The following PPM1E variants were observed in gnomAD, a reference collection of about 807,000 sequenced individuals.
The protein encoded by PPM1E is protein phosphatase, Mg2+/Mn2+ dependent 1E.
In PPM1E, 20 loss-of-function variants were observed where a neutral mutation model predicts 65.9. The observed-to-expected ratio is 0.30, with a 90% CI of 0.21 to 0.44. PPM1E has a LOEUF of 0.44. Ranked by LOEUF, PPM1E falls within the 20% of genes least tolerant of loss-of-function variation. The probability of loss-of-function intolerance (pLI) is 1.00; values close to 1 mark genes in which losing one functional copy is unlikely to be tolerated. For synonymous variants in PPM1E, 352 were observed against 374.9 expected (o/e 0.94, Z 0.70); for missense variants, 713 against 953.1 (o/e 0.75, Z 3.32).
chr17:58,813,017 G>A (rs1411264838), intron 1 of PPM1E, among the ~76,000 whole-genome samples: 1 of 152,110 alleles, frequency 6.6e-6, no homozygotes, highest in Non-Finnish European at 1.5e-5. Context: ...TTTGTTTTAT[G>A]GCAGTAGTCA....
chr17:58,855,551 A>G (rs1357294416), intron 1 of PPM1E, among the ~76,000 whole-genome samples: 3 of 152,204 alleles, frequency 2.0e-5, no homozygotes, highest in Non-Finnish European at 4.4e-5. Flanking sequence ...ATTACAAGAC[A>G]TGCTAAAAGG....
intron 1 of PPM1E, among the ~76,000 whole-genome samples, chr17:58,796,440 C>T (rs1312771583): frequency 6.6e-6 from 1 of 152,002 alleles, no homozygotes; most frequent in Non-Finnish European, 1.5e-5. Flanking sequence ...CTGGCTAATT[C>T]TTGTATTTTT....
chr17:58,873,632 C>T (rs1012305157), intron 1 of PPM1E, among the ~76,000 whole-genome samples: 1 of 150,340 alleles, frequency 6.7e-6, no homozygotes, highest in Non-Finnish European at 1.5e-5. Context: ...CTCACTTTGT[C>T]ACCCAGGCTG....
chr17:58,856,259 G>A (rs1226634800), intron 1 of PPM1E, among the ~76,000 whole-genome samples: 1 of 151,844 alleles, frequency 6.6e-6, no homozygotes, highest in Non-Finnish European at 1.5e-5. Context: ...TATTTTTTGA[G>A]ATGGAGTTTT....
At chr17:58,831,003 T>TG (rs2050599924) in intron 1 of PPM1E, among the ~76,000 whole-genome samples, 1 of 101,414 alleles carries the variant, frequency 9.9e-6, no homozygotes, top group Admixed American at 9.1e-5. Flanking sequence ...ACTTACTTTA[T>TG]CTTTTTTTTT....
intron 1 of PPM1E, among the ~76,000 whole-genome samples, chr17:58,887,204 G>T (rs534756319): frequency 2.4e-5 from 3 of 127,212 alleles, no homozygotes; most frequent in Non-Finnish European, 3.1e-5. Flanking sequence ...TCACTGTGTC[G>T]CCCAGGCTGG....
intron 1 of PPM1E, among the ~76,000 whole-genome samples, chr17:58,789,180 A>G (rs1163333593): frequency 6.6e-6 from 1 of 152,180 alleles, no homozygotes; most frequent in East Asian, 1.9e-4. Flanking sequence ...CCAGCTCTAC[A>G]CTGTTACCAG....
Position 58,856,232 on chromosome 17 carries a change from T to A in PPM1E, c.465-99417T>A, listed in dbSNP as rs1288345071. ...GTATTCTAATGTTTAGTAATATGTG[T>A]TCATTTTATTTTATTTTATTTTTTG... is the stretch of plus-strand genomic sequence containing the variant. On this transcript the variant is annotated intron_variant, in intron 1 of 6. Transcript: ENST00000308249. 2.0e-5 allele frequency among the ~76,000 whole-genome samples: 3 copies of A among 152,236 alleles called. No individual in the cohort carries two copies. In the East Asian group the frequency reaches 5.8e-4, roughly 29 times the overall value.
chr17:58,774,613 A>G (rs1177801807), intron 1 of PPM1E, among the ~76,000 whole-genome samples: 2 of 152,118 alleles, frequency 1.3e-5, no homozygotes, highest in Non-Finnish European at 2.9e-5. Flanking sequence ...AACTAATAGT[A>G]CTGTCAGAAA....
At chr17:58,898,326 A>G (rs555571027) in intron 1 of PPM1E, among the ~76,000 whole-genome samples, 1 of 152,122 alleles carries the variant, frequency 6.6e-6, no homozygotes, top group Admixed American at 6.6e-5. Context: ...AAATCAAACA[A>G]CCCCGTCAAA....
intron 1 of PPM1E, among the ~76,000 whole-genome samples, chr17:58,921,339 A>G (rs770008472): frequency 6.6e-6 from 1 of 152,178 alleles, no homozygotes; most frequent in Non-Finnish European, 1.5e-5. Flanking sequence ...AGAGAGGGGT[A>G]ATTGATAATG....
At chr17:58,916,657 T>C (rs1344148271) in intron 1 of PPM1E, among the ~76,000 whole-genome samples, 1 of 152,040 alleles carries the variant, frequency 6.6e-6, no homozygotes, top group Non-Finnish European at 1.5e-5. Context: ...AGAAGCTAAC[T>C]AATCAGATGT....
At position 58,982,470 on chromosome 17, in the gene PPM1E, G is replaced by C. The variant is rs1233772329; in HGVS notation, c.*1439G>C. ...CTCTGGAGTGCTCACTAACAAGGGT[G>C]AGTGCTCTCGCTAAGAAGTGTCCCC... is the stretch of plus-strand genomic sequence containing the variant. On this transcript the variant is annotated 3_prime_UTR_variant, in exon 7 of 7. Transcript: ENST00000308249. 6.3e-6 allele frequency: 1 copy of C among 159,270 alleles called. No homozygotes were observed. 9.9% of individuals were successfully genotyped at this position (159,270 alleles called of 1,614,324 possible). A position where few individuals can be genotyped will look rare whatever the true frequency, so the allele number is the denominator to read the frequency against.
rs552780372 is a variant in PPM1E, at chr17:58,981,249, C to A, written c.*218C>A. ...CACTTGCAAAATTACACAGCTGGTCCCTGTGATGTGTCTCGACACCAATAC... is the reference window on the plus strand; with the variant it reads ...CACTTGCAAAATTACACAGCTGGTCACTGTGATGTGTCTCGACACCAATAC... On this transcript the variant is annotated 3_prime_UTR_variant, in exon 7 of 7. Transcript: ENST00000308249. 6.9e-5 allele frequency: 35 copies of A among 508,048 alleles called. No individual in the cohort carries two copies. Among genetic ancestry groups the A allele is most frequent in the Admixed American group, 1.9e-4 (5 of 26,846 alleles). The allele number at this position is 508,048 out of a possible 1,614,324, so 31.5% of individuals were successfully genotyped here.
rs186900028 is a variant in PPM1E at position 58,843,007 on chromosome 17, G to A, written c.464+86546G>A. 9.2e-5 allele frequency among the ~76,000 whole-genome samples: 14 copies of A among 151,828 alleles called. No homozygotes were observed. The East Asian group carries it at 1.9e-3, about 21-fold the overall frequency. ...AATTTTAAAAAGTGTAGAACAGGCC[G>A]GGCGCTGGGTGGCTCATGCCTGTAA... On this transcript the variant is annotated intron_variant, in intron 1 of 6. Coordinates refer to ENST00000308249, the MANE Select transcript of PPM1E (RefSeq NM_014906.5).
intron 1 of PPM1E, among the ~76,000 whole-genome samples, chr17:58,918,173 A>G (rs2051706776): frequency 6.6e-6 from 1 of 152,194 alleles, no homozygotes; most frequent in African/African-American, 2.4e-5. Context: ...AGTAAGTACT[A>G]TGGTAGACAC....
chr17:58,937,932 A>G (rs2052008403), intron 1 of PPM1E, among the ~76,000 whole-genome samples: 1 of 149,364 alleles, frequency 6.7e-6, no homozygotes, highest in Admixed American at 6.6e-5. Context: ...CAAATAATAC[A>G]AAATGTGAAG....
chr17:58,959,043 C>T (rs1475455223), intron 2 of PPM1E, among the ~76,000 whole-genome samples: 1 of 152,082 alleles, frequency 6.6e-6, no homozygotes, highest in African/African-American at 2.4e-5. Flanking sequence ...GGTGTGGTGG[C>T]TACGTCTGTA....
At chr17:58,948,057 G>C (rs1382362133) in intron 1 of PPM1E, among the ~76,000 whole-genome samples, 1 of 152,188 alleles carries the variant, frequency 6.6e-6, no homozygotes, top group Admixed American at 6.5e-5. Context: ...GACAGAGGAA[G>C]AAAGAAGAGG....
Sources: gnomAD v4.1 joint callset for allele counts (sites outside exome capture counted in the v4.1 genomes callset) on GRCh38, gnomAD v4.1.1 for gene constraint, MANE v1.5 for transcripts, NCBI Gene and HGNC (gene_info 2026-07-23, HGNC 2026-07-21) for gene names.